The following ARHGAP10 variants were observed in gnomAD, a reference collection of about 807,000 sequenced individuals.
ARHGAP10 encodes Rho GTPase activating protein 10.
Under a neutral mutation model 108.6 loss-of-function variants are expected in ARHGAP10, and 87 were observed. That is an observed-to-expected ratio of 0.80 (90% CI 0.67 to 0.96). The LOEUF is 0.96. Ranked by LOEUF, ARHGAP10 falls within the 40% of genes least tolerant of loss-of-function variation. ARHGAP10 has a pLI of 0.00. For synonymous variants in ARHGAP10, 347 were observed against 341.1 expected (o/e 1.02, Z -0.19); for missense variants, 939 against 954.5 (o/e 0.98, Z 0.21).
intron 1 of ARHGAP10, among the ~76,000 whole-genome samples, chr4:147,783,308 AAC>A (rs1491357673): frequency 3.0e-4 from 43 of 144,114 alleles, no homozygotes; most frequent in East Asian, 6.3e-4. Context: ...TAATTTATAT[AAC>A]ACACATTAAA....
chr4:148,023,678 ACCT>A (rs1741660144), intron 19 of ARHGAP10, among the ~76,000 whole-genome samples: 1 of 152,108 alleles, frequency 6.6e-6, no homozygotes. Context: ...GACTTGTGTG[ACCT>A]CCTGTGAGGT....
rs188291720 is a variant in ARHGAP10 at position 147,756,500 on chromosome 4, T to C, written c.154+24045T>C. Among the ~76,000 whole-genome samples the C allele has an allele frequency of 2.0e-3, 306 of 152,298 alleles. 1 individual carries two copies. Among genetic ancestry groups the C allele is most frequent in the African/African-American group, 7.0e-3 (291 of 41,540 alleles). ...TAGTCCCCCTTATCCGTGGTTTCAG[T>C]TACCCATGATCTGAAAATAGTACAT... On this transcript the variant is annotated intron_variant, in intron 1 of 22. Transcript: ENST00000336498.
rs200847076 is a variant in ARHGAP10, at chr4:148,023,322, C to A, written c.1776C>A (p.Pro592=). Residue 592 remains proline (P), a synonymous_variant, in exon 19 of 23, where the codon CCC becomes CCA. Coordinates refer to ENST00000336498, the MANE Select transcript of ARHGAP10 (RefSeq NM_024605.4). ...FPEPTCLSAS[P]PNAPPRQSKR... is the part of the protein sequence containing the mutation. ...AGCCCACCTGCCTGTCAGCATCACC[C>A]CCAAATGCGCCACCAAGGCAGTCGA... 1.9e-6 allele frequency: 3 copies of A among 1,614,212 alleles called. No individual in the cohort carries two copies. In the South Asian group the frequency reaches 3.3e-5, roughly 18 times the overall value.
Position 148,070,183 on chromosome 4 carries a change from C to T in ARHGAP10, c.2273-1810C>T, listed in dbSNP as rs1157460366. Among the ~76,000 whole-genome samples the T allele has an allele frequency of 2.0e-5, 3 of 152,270 alleles. No homozygotes were observed. The East Asian group carries it at 5.8e-4, about 29-fold the overall frequency. On this transcript the variant is annotated intron_variant, in intron 22 of 22. Transcript: ENST00000336498. ...TCTCCTATATATACACGTATGCCTGCACACACGCACACAGAACATGTAGGG... is the reference window on the plus strand; with the variant it reads ...TCTCCTATATATACACGTATGCCTGTACACACGCACACAGAACATGTAGGG...
In ARHGAP10 at chr4:147,901,888, A is replaced by G. The variant is rs146819937; in HGVS notation, c.1035-4750A>G. ...AGTTAATATTATTTTTCCTCCACAT[A>G]TGAGCATCAGTGGAAAACTTTAGGG... On this transcript the variant is annotated intron_variant, in intron 10 of 22. Transcript: ENST00000336498. 3.0e-3 allele frequency among the ~76,000 whole-genome samples: 458 copies of G among 152,338 alleles called. 1 individual carries two copies. The highest frequency in any genetic ancestry group is 0.01 in the African/African-American group (432 of 41,576).
chr4:147,916,897 C>T (rs1158139337), intron 13 of ARHGAP10: 1 of 152,110 alleles, frequency 6.6e-6, no homozygotes, highest in Non-Finnish European at 1.5e-5. Context: ...TAGCAAACTC[C>T]CAGATCCCAT....
rs1730223751 is a variant in ARHGAP10, at chr4:148,072,419, C to T, written c.*338C>T. On this transcript the variant is annotated 3_prime_UTR_variant, in exon 23 of 23. Coordinates refer to ENST00000336498, the MANE Select transcript of ARHGAP10 (RefSeq NM_024605.4). The stretch of plus-strand genomic sequence containing the variant: ...TGTGTCGCCTCCACTGGCAGTCACG[C>T]CACCAGAGCCACCCTGGCTCCCTCT... The T allele has an allele frequency of 3.8e-6, 1 of 263,372 alleles. No homozygotes were observed. Among genetic ancestry groups the T allele is most frequent in the Admixed American group, 5.2e-5 (1 of 19,112 alleles). 16.3% of individuals were successfully genotyped at this position (263,372 alleles called of 1,614,324 possible).
At chr4:147,796,562 C>T (rs548470845) in intron 1 of ARHGAP10, among the ~76,000 whole-genome samples, 1 of 152,012 alleles carries the variant, frequency 6.6e-6, no homozygotes, top group South Asian at 2.1e-4. Flanking sequence ...CTCACTCTGT[C>T]GCCCATGGCT....
intron 18 of ARHGAP10, among the ~76,000 whole-genome samples, chr4:147,982,793 TTTCTC>T (rs1200311581): frequency 1.3e-5 from 2 of 152,158 alleles, no homozygotes; most frequent in African/African-American, 4.8e-5. Flanking sequence ...AGCTGCTTAT[TTTCTC>T]TTCTTTTCTC....
chr4:147,846,657 T>A (rs1467008492), intron 3 of ARHGAP10, among the ~76,000 whole-genome samples: 1 of 152,216 alleles, frequency 6.6e-6, no homozygotes, highest in Non-Finnish European at 1.5e-5. Context: ...GACTCTACTT[T>A]GCTAATATAC....
intron 10 of ARHGAP10, among the ~76,000 whole-genome samples, chr4:147,892,920 C>A (rs1217864069): frequency 6.6e-6 from 1 of 152,180 alleles, no homozygotes; most frequent in Admixed American, 6.5e-5. Context: ...CTGCTGAACA[C>A]CCTCCAGGGC....
intron 1 of ARHGAP10, among the ~76,000 whole-genome samples, chr4:147,759,578 CCG>C (rs1729511530): frequency 1.9e-5 from 1 of 53,466 alleles, no homozygotes; most frequent in Admixed American, 2.4e-4. Context: ...TAGTGATACA[CCG>C]CCCCCCCCCC....
At chr4:147,952,542 C>T (rs368922345) in intron 15 of ARHGAP10, among the ~76,000 whole-genome samples, 1 of 152,060 alleles carries the variant, frequency 6.6e-6, no homozygotes, top group African/African-American at 2.4e-5. Context: ...TGCTTATTTT[C>T]CATTTATATA....
At chr4:147,898,096 A>G (rs1187735063) in intron 10 of ARHGAP10, among the ~76,000 whole-genome samples, 1 of 151,630 alleles carries the variant, frequency 6.6e-6, no homozygotes. Context: ...ACACTAACGT[A>G]TTTGTCCTTT....
At chr4:148,029,022 T>G (rs1404922351) in intron 19 of ARHGAP10, among the ~76,000 whole-genome samples, 1 of 152,208 alleles carries the variant, frequency 6.6e-6, no homozygotes, top group African/African-American at 2.4e-5. Context: ...TGTTAGTGTG[T>G]TCAATACGTA....
intron 1 of ARHGAP10, among the ~76,000 whole-genome samples, chr4:147,802,358 G>A (rs1337769104): frequency 6.6e-6 from 1 of 152,182 alleles, no homozygotes; most frequent in Non-Finnish European, 1.5e-5. Context: ...AAGTGATAGT[G>A]TGATGATGGT....
chr4:147,784,719 AATATATTATAAAATATATATTATAAAT>A (rs1560756649), intron 1 of ARHGAP10, among the ~76,000 whole-genome samples: 2 of 46,540 alleles, frequency 4.3e-5, no homozygotes, highest in Admixed American at 4.7e-4. Flanking sequence ...TTATAAATAT[AATATATTATAAAATATATATTATAAAT>A]ATATATTATA....
intron 13 of ARHGAP10, among the ~76,000 whole-genome samples, chr4:147,921,135 G>A (rs1737214652): frequency 6.6e-6 from 1 of 152,208 alleles, no homozygotes; most frequent in South Asian, 2.1e-4. Context: ...TTGGCAGTGG[G>A]GTAGATAGTG....
chr4:147,901,868 A>G (rs757442523), intron 10 of ARHGAP10, among the ~76,000 whole-genome samples: 1 of 152,200 alleles, frequency 6.6e-6, no homozygotes, highest in Non-Finnish European at 1.5e-5. Context: ...TCTTGAGTTA[A>G]TATTATTTTT....
Sources: gnomAD v4.1 joint callset for allele counts (sites outside exome capture counted in the v4.1 genomes callset) on GRCh38, gnomAD v4.1.1 for gene constraint, MANE v1.5 for transcripts, NCBI Gene and HGNC (gene_info 2026-07-23, HGNC 2026-07-21) for gene names.